MACO1: variants seen among roughly 807,000 people sequenced by gnomAD.
The protein encoded by MACO1 is macoilin 1.
MACO1 carries 14 observed loss-of-function variants against 78.7 expected under a neutral mutation model. That is an observed-to-expected ratio of 0.18 (90% CI 0.12 to 0.28). MACO1 has a LOEUF of 0.28. Ranked by LOEUF, MACO1 falls within the 10% of genes least tolerant of loss-of-function variation. The pLI, the probability that MACO1 is intolerant of heterozygous loss-of-function variation, is 1.00. For synonymous variants in MACO1, 288 were observed against 291.6 expected, an observed-to-expected ratio of 0.99 and a Z score of 0.12; for missense variants, 501 against 799.0, an observed-to-expected ratio of 0.63 and a Z score of 4.50.
chr1:25,441,703 G>A (rs551970240), intron 1 of MACO1, among the ~76,000 whole-genome samples: 3 of 152,188 alleles, frequency 2.0e-5, no homozygotes, highest in Admixed American at 6.5e-5. Context: ...TGGGGTCCTA[G>A]TCTTTACTTT....
intron 3 of MACO1, among the ~76,000 whole-genome samples, chr1:25,452,662 A>G (rs2043077361): frequency 6.6e-6 from 1 of 152,112 alleles, no homozygotes; most frequent in African/African-American, 2.4e-5. Context: ...TTTAAATTCT[A>G]AATTTTTGCT....
At chr1:25,443,586 ATTGAAAAAGAATAGTCAC>A (rs2042990331) in intron 1 of MACO1, among the ~76,000 whole-genome samples, 1 of 152,270 alleles carries the variant, frequency 6.6e-6, no homozygotes, top group Admixed American at 6.5e-5. Flanking sequence ...AAGTTATGCA[ATTGAAAAAGAATAGTCAC>A]TAACAAAGAT....
intron 9 of MACO1, 110 bp downstream of exon 9, chr1:25,489,403 A>C: frequency 2.3e-4 from 280 of 1,222,332 alleles, no homozygotes; most frequent in Middle Eastern, 4.6e-4. Flanking sequence ...ATCAAATCTC[A>C]TTGCATCTGA....
At position 25,466,982 on chromosome 1, in the gene MACO1, G is replaced by A. The variant is rs545670223; in HGVS notation, c.1154+8090G>A. ...ATCATTCAGAAATCATGCTCGGCCG[G>A]GCACGGTGGTTCACGTCCATAATCC... On this transcript the variant is annotated intron_variant, in intron 6 of 10. Coordinates refer to ENST00000374343, the MANE Select transcript of MACO1 (RefSeq NM_018202.6). 1.1e-4 allele frequency among the ~76,000 whole-genome samples: 17 copies of A among 152,288 alleles called. No homozygotes were observed. The East Asian group carries it at 3.3e-3, about 29-fold the overall frequency.
intron 6 of MACO1, among the ~76,000 whole-genome samples, chr1:25,480,729 G>A (rs2043364378): frequency 6.6e-6 from 1 of 151,490 alleles, no homozygotes; most frequent in South Asian, 2.1e-4. Context: ...TCAGGAGTTC[G>A]AGACCAGCCT....
intron 6 of MACO1, among the ~76,000 whole-genome samples, chr1:25,460,653 C>G (rs1206687236): frequency 6.6e-6 from 1 of 152,080 alleles, no homozygotes; most frequent in Non-Finnish European, 1.5e-5. Context: ...CAAGCTATTA[C>G]TAAATGATGG....
rs567543389 is a variant in MACO1 at position 25,456,911 on chromosome 1, A to G, written c.652+80A>G. 521 of 1,448,710 alleles carry G rather than the reference A, an allele frequency of 3.6e-4. 1 individual carries two copies. The highest frequency in any genetic ancestry group is 3.2e-4 in the Non-Finnish European group (345 of 1,089,190). 89.7% of individuals were successfully genotyped at this position (1,448,710 alleles called of 1,614,324 possible). ...TTGGTAGAATTTTCTTTTCTGGAAAAGTAGCTAGGATTTTGTTTTTTTCTG... is the reference window on the plus strand; with the variant it reads ...TTGGTAGAATTTTCTTTTCTGGAAAGGTAGCTAGGATTTTGTTTTTTTCTG... On this transcript the variant is annotated intron_variant, in intron 5 of 10. Transcript: ENST00000374343.
At chr1:25,484,374 G>A in intron 7 of MACO1, 100 bp downstream of exon 7, 1 of 1,211,010 alleles carries the variant, frequency 8.3e-7, no homozygotes, top group Non-Finnish European at 1.1e-6. Flanking sequence ...ACAGAGACCT[G>A]CTGAGAGGTT....
Position 25,448,940 on chromosome 1 carries a change from T to A in MACO1, c.349+6T>A, listed in dbSNP as rs1354081041. ...TCAGTACGTATGGCACACAGGTAAG[T>A]CTTAATGATTTCTTAGATGGATAGA... is the stretch of plus-strand genomic sequence containing the variant. On this transcript the variant is annotated splice_donor_region_variant and intron_variant, in intron 3 of 10. Coordinates refer to ENST00000374343, the MANE Select transcript of MACO1 (RefSeq NM_018202.6). 1 of 1,433,972 alleles carries A rather than the reference T, an allele frequency of 7.0e-7. No individual in the cohort carries two copies. The highest frequency in any genetic ancestry group is 2.2e-5 in the Admixed American group (1 of 46,024). The allele number at this position is 1,433,972 out of a possible 1,614,324, so 88.8% of individuals were successfully genotyped here. A position where few individuals can be genotyped will look rare whatever the true frequency, so the allele number is the denominator to read the frequency against.
rs956763939 is a variant in MACO1 at position 25,443,727 on chromosome 1, A to G, written c.81-3035A>G. Among the ~76,000 whole-genome samples, 3 of 152,222 alleles carry G rather than the reference A, an allele frequency of 2.0e-5. No homozygotes were observed. The East Asian group carries it at 5.8e-4, about 29-fold the overall frequency. ...CTAAATAGTGAAGCGGAGTGTTGCC[A>G]TGGCAGGATCTGACTGGGGTCTGAC... On this transcript the variant is annotated intron_variant, in intron 1 of 10. Transcript: ENST00000374343.
intron 6 of MACO1, among the ~76,000 whole-genome samples, chr1:25,477,178 TAGA>T (rs2043327812): frequency 6.6e-6 from 1 of 152,228 alleles, no homozygotes; most frequent in Non-Finnish European, 1.5e-5. Flanking sequence ...TTTAGGGTTT[TAGA>T]AGGAGAAGAG....
chr1:25,475,477 C>T (rs909223969), intron 6 of MACO1, among the ~76,000 whole-genome samples: 4 of 149,510 alleles, frequency 2.7e-5, no homozygotes, highest in Non-Finnish European at 4.4e-5. Flanking sequence ...TTTGAGAGGC[C>T]GAGGTGGGAG....
chr1:25,464,765 T>C (rs1277265743), intron 6 of MACO1, among the ~76,000 whole-genome samples: 2 of 151,076 alleles, frequency 1.3e-5, no homozygotes, highest in Non-Finnish European at 1.5e-5. Context: ...CAAGTGATTC[T>C]CCTGTCTTAG....
At chr1:25,478,951 T>C (rs1004941116) in intron 6 of MACO1, among the ~76,000 whole-genome samples, 3 of 151,602 alleles carry the variant, frequency 2.0e-5, no homozygotes, top group African/African-American at 7.3e-5. Flanking sequence ...TGGCCCATTA[T>C]TTTTTTTTTA....
In MACO1 at chr1:25,431,234, C is replaced by G. The variant is rs961297980; in HGVS notation, c.80+56C>G. On this transcript the variant is annotated intron_variant, in intron 1 of 10. Transcript: ENST00000374343. ...CGGGCCCTGCGGTCCCCCTCCAGCT[C>G]CGAGGGGCCTGGCCCCGTTATGTAA... is the stretch of plus-strand genomic sequence containing the variant. The G allele has an allele frequency of 5.7e-6, 8 of 1,401,696 alleles. No individual in the cohort carries two copies. The African/African-American group carries it at 8.9e-5, about 16-fold the overall frequency. The allele number at this position is 1,401,696 out of a possible 1,614,324, so 86.8% of individuals were successfully genotyped here.
chr1:25,440,420 AAG>A (rs1553163619), intron 1 of MACO1, among the ~76,000 whole-genome samples: 3 of 151,232 alleles, frequency 2.0e-5, no homozygotes, highest in African/African-American at 7.3e-5. Context: ...AAAAAAAAAA[AAG>A]AAGAAAGAAA....
intron 10 of MACO1, among the ~76,000 whole-genome samples, chr1:25,492,663 G>A (rs1054782508): frequency 1.3e-5 from 2 of 152,140 alleles, no homozygotes; most frequent in African/African-American, 2.4e-5. Flanking sequence ...TACCGTGAGT[G>A]CCATAGGGGA....
chr1:25,463,480 T>C (rs2043189288), intron 6 of MACO1, among the ~76,000 whole-genome samples: 1 of 152,240 alleles, frequency 6.6e-6, no homozygotes, highest in Non-Finnish European at 1.5e-5. Context: ...CCAGCTTGAT[T>C]TCTGAATTGT....
chr1:25,495,779 T>C (rs934457087), intron 10 of MACO1, among the ~76,000 whole-genome samples: 4 of 152,234 alleles, frequency 2.6e-5, no homozygotes, highest in East Asian at 1.9e-4. Context: ...CTGGCCAACA[T>C]AGTGAAACCC....
Sources: gnomAD v4.1 joint callset for allele counts (sites outside exome capture counted in the v4.1 genomes callset) on GRCh38, gnomAD v4.1.1 for gene constraint, MANE v1.5 for transcripts, NCBI Gene and HGNC (gene_info 2026-07-23, HGNC 2026-07-21) for gene names.